The following P3H2 variants were observed in gnomAD, a reference collection of about 807,000 sequenced individuals.
P3H2 encodes prolyl 3-hydroxylase 2.
Under a neutral mutation model 87.0 loss-of-function variants are expected in P3H2, and 80 were observed. The ratio of observed to expected loss-of-function variants is 0.92; its 90% CI spans 0.77 to 1.11. The LOEUF (loss-of-function observed/expected upper bound fraction) is 1.11. Ranked by LOEUF, P3H2 falls within the 50% of genes least tolerant of loss-of-function variation. P3H2 has a pLI of 0.00. For synonymous variants in P3H2, 367 were observed against 359.3 expected (o/e 1.02, Z -0.24); for missense variants, 1,001 against 923.9 (o/e 1.08, Z -1.08).
At chr3:190,056,304 A>G (rs1726152326) in intron 1 of P3H2, among the ~76,000 whole-genome samples, 1 of 152,188 alleles carries the variant, frequency 6.6e-6, no homozygotes, top group Admixed American at 6.5e-5. Flanking sequence ...CCAAGCTAAT[A>G]CAGCTTGTTA....
intron 1 of P3H2, among the ~76,000 whole-genome samples, chr3:190,067,150 C>A (rs1417829919): frequency 6.6e-6 from 1 of 151,534 alleles, no homozygotes; most frequent in Non-Finnish European, 1.5e-5. Context: ...CAGCCTTATT[C>A]TTACATTTAC....
intron 11 of P3H2, 35 bp downstream of exon 11, chr3:189,972,839 G>A (rs1189566111): frequency 6.2e-7 from 1 of 1,610,180 alleles, no homozygotes; most frequent in African/African-American, 1.3e-5. Context: ...AATGTATTGT[G>A]GGTAAAAGGG....
In P3H2 at chr3:189,983,091, T is replaced by C. The variant is rs573407054; in HGVS notation, c.1279A>G (p.Met427Val). The change falls in exon 8 of 15, where the codon ATG becomes GTG. Residue 427 changes from methionine to valine, a missense_variant. Physicochemically the swap from Met to Val is conservative, Grantham distance 21. Transcript: ENST00000319332. ...VEGAEVHGFS[M>V]GKKLSPKIDR... ...ATCTTGGGTGATAGCTTTTTTCCCA[T>C]TGAGAATCCATGAACTTCTGCTCCC... The C allele has an allele frequency of 8.8e-5, 142 of 1,613,838 alleles. No homozygotes were observed. Among genetic ancestry groups the C allele is most frequent in the Non-Finnish European group, 1.2e-4 (136 of 1,179,888 alleles).
In P3H2 at chr3:190,075,278, G is replaced by A. The variant is rs148093400; in HGVS notation, c.480+44974C>T. On this transcript the variant is annotated intron_variant, in intron 1 of 14. Transcript: ENST00000319332. ...AGGCGGGTGGATCACCTGAGATCAG[G>A]AGTTCGAGACCAGCCTGCCCAACAT... Among the ~76,000 whole-genome samples the A allele has an allele frequency of 3.4e-3, 519 of 152,280 alleles. 1 individual carries two copies. The highest frequency in any genetic ancestry group is 0.012 in the African/African-American group (500 of 41,546).
chr3:189,989,378 C>A (rs937692832), intron 3 of P3H2, among the ~76,000 whole-genome samples: 1 of 152,072 alleles, frequency 6.6e-6, no homozygotes, highest in African/African-American at 2.4e-5. Context: ...TCATATTTAA[C>A]AACTTTGGGG....
intron 1 of P3H2, among the ~76,000 whole-genome samples, chr3:190,085,459 AT>A (rs1727180408): frequency 6.6e-6 from 1 of 152,214 alleles, no homozygotes; most frequent in Non-Finnish European, 1.5e-5. Context: ...AAAAGGATCG[AT>A]TTCCCAATTG....
chr3:190,119,190 AGGAG>A (rs1712429782), intron 1 of P3H2, among the ~76,000 whole-genome samples: 1 of 105,166 alleles, frequency 9.5e-6, no homozygotes, highest in African/African-American at 4.4e-5. Context: ...AGGAGAGGAG[AGGAG>A]GGGAGAGGAG....
intron 1 of P3H2, among the ~76,000 whole-genome samples, chr3:190,052,470 T>C (rs1352723376): frequency 6.6e-6 from 1 of 152,156 alleles, no homozygotes; most frequent in Non-Finnish European, 1.5e-5. Context: ...TTAAAATATG[T>C]TTTAAAAGAA....
intron 14 of P3H2, among the ~76,000 whole-genome samples, chr3:189,962,803 T>C (rs1251760815): frequency 6.6e-6 from 1 of 152,226 alleles, no homozygotes; most frequent in African/African-American, 2.4e-5. Flanking sequence ...GAAAAGTATA[T>C]GAGAAAAACG....
chr3:190,061,507 C>T lies in P3H2; in HGVS notation c.480+58745G>A, dbSNP rs1037175535. ...ACAGGAAAGCAGGTTCAACCACAAA[C>T]TTCAGAGTTAAAAACAGGTTACCCT... On this transcript the variant is annotated intron_variant, in intron 1 of 14. Coordinates refer to ENST00000319332, the MANE Select transcript of P3H2 (RefSeq NM_018192.4). Among the ~76,000 whole-genome samples, 3 of 152,022 alleles carry T rather than the reference C, an allele frequency of 2.0e-5. No individual in the cohort carries two copies. The East Asian group carries it at 5.8e-4, about 29-fold the overall frequency.
chr3:190,120,545 C>T lies in P3H2; in HGVS notation c.187G>A (p.Ala63Thr). Residue 63 changes from alanine to threonine, a missense_variant, in exon 1 of 15, where the codon GCG (alanine) becomes ACG (threonine). Coordinates refer to ENST00000319332, the MANE Select transcript of P3H2 (RefSeq NM_018192.4). ...AAYYSGDYERAVRDLEAALRS... is the reference protein window; with the variant it reads ...AAYYSGDYERTVRDLEAALRS... ...AGCGCCGCTTCCAAGTCGCGCACCG[C>T]TCGCTCGTAGTCTCCGCTGTAGTAG... The T allele has an allele frequency of 2.0e-6, 3 of 1,516,230 alleles. No individual in the cohort carries two copies. Among genetic ancestry groups the T allele is most frequent in the Non-Finnish European group, 1.8e-6 (2 of 1,141,440 alleles). 93.9% of individuals were successfully genotyped at this position (1,516,230 alleles called of 1,614,324 possible). A position where few individuals can be genotyped will look rare whatever the true frequency, so the allele number is the denominator to read the frequency against.
At chr3:189,961,003 C>T (rs1430560032) in intron 14 of P3H2, among the ~76,000 whole-genome samples, 3 of 149,928 alleles carry the variant, frequency 2.0e-5, no homozygotes, top group South Asian at 2.1e-4. Context: ...TGCAGTGGTG[C>T]GATCTCGGGT....
Position 190,108,694 on chromosome 3 carries a change from G to A in P3H2, c.480+11558C>T, listed in dbSNP as rs377684962. Among the ~76,000 whole-genome samples, 4 of 152,058 alleles carry A rather than the reference G, an allele frequency of 2.6e-5. No individual in the cohort carries two copies. In the East Asian group the frequency reaches 5.8e-4, roughly 22 times the overall value. The stretch of plus-strand genomic sequence containing the variant: ...ACTGTGACTTACTTGAAGATAGGAA[G>A]AGTGTCTTACTCATCTTCATATCTC... On this transcript the variant is annotated intron_variant, in intron 1 of 14. Coordinates refer to ENST00000319332, the MANE Select transcript of P3H2 (RefSeq NM_018192.4).
chr3:189,991,695 G>C (rs1723882346), intron 3 of P3H2, among the ~76,000 whole-genome samples: 1 of 152,248 alleles, frequency 6.6e-6, no homozygotes, highest in African/African-American at 2.4e-5. Context: ...AAGCAGGAGA[G>C]AGAGTGAGAG....
intron 1 of P3H2, among the ~76,000 whole-genome samples, chr3:190,115,725 A>G: frequency 6.6e-6 from 1 of 152,240 alleles, no homozygotes; most frequent in East Asian, 1.9e-4. Context: ...CAGGAAGCCA[A>G]ACAACTAAAG....
At chr3:190,092,558 T>C (rs111678065) in intron 1 of P3H2, among the ~76,000 whole-genome samples, 4 of 152,288 alleles carry the variant, frequency 2.6e-5, no homozygotes, top group African/African-American at 9.6e-5. Flanking sequence ...TTATGGCATT[T>C]TTCCAAAGGC....
chr3:189,965,724 G>A (rs56309737), intron 13 of P3H2, among the ~76,000 whole-genome samples: 1,992 of 152,208 alleles, frequency 0.013, 43 homozygotes, highest in African/African-American at 0.046. Context: ...GGTGGCTCAC[G>A]CCTATAATCC....
chr3:189,958,699 CTTTTTTTTT>C (rs71175319), intron 14 of P3H2, among the ~76,000 whole-genome samples: 4 of 120,204 alleles, frequency 3.3e-5, no homozygotes, highest in Non-Finnish European at 6.7e-5. Context: ...ATTGCTCCCT[CTTTTTTTTT>C]TTTTTTTTTT....
At chr3:189,999,222 T>C (rs983386283) in intron 1 of P3H2, among the ~76,000 whole-genome samples, 6 of 152,218 alleles carry the variant, frequency 3.9e-5, no homozygotes, top group African/African-American at 1.4e-4. Flanking sequence ...TTTCTCAAAT[T>C]TGACGTTTTG....
Sources: gnomAD v4.1 joint callset for allele counts (sites outside exome capture counted in the v4.1 genomes callset) on GRCh38, gnomAD v4.1.1 for gene constraint, MANE v1.5 for transcripts, NCBI Gene and HGNC (gene_info 2026-07-23, HGNC 2026-07-21) for gene names.